CSMD2: variants seen among roughly 807,000 people sequenced by gnomAD.
The protein encoded by CSMD2 is CUB and sushi domain-containing protein 2.
A neutral mutation model predicts 398.5 loss-of-function variants in CSMD2; 130 were observed. That is an observed-to-expected ratio of 0.33 (90% CI 0.28 to 0.38). CSMD2 has a LOEUF of 0.38. Ranked by LOEUF, CSMD2 falls within the 10% of genes least tolerant of loss-of-function variation. The pLI, the probability that CSMD2 is intolerant of heterozygous loss-of-function variation, is 1.00. For synonymous variants in CSMD2, 1,828 were observed against 1,908.5 expected (o/e 0.96, Z 1.10); for missense variants, 3,829 against 4,764.9 (o/e 0.80, Z 5.78).
chr1:33,895,189 T>G (rs1028070681), intron 5 of CSMD2, among the ~76,000 whole-genome samples: 1 of 152,208 alleles, frequency 6.6e-6, no homozygotes, highest in Non-Finnish European at 1.5e-5. Context: ...TTATTCCTGA[T>G]AGCATTGTTT....
In CSMD2 at chr1:33,519,177, T is replaced by G. The variant is rs536850667; in HGVS notation, c.*53+288A>C. The stretch of plus-strand genomic sequence containing the variant: ...TGGGATTGGATTTCGACCCCACCCC[T>G]TCTGAGCTGTGTGACCTTGCTCAAG... On this transcript the variant is annotated intron_variant, in intron 70 of 70. Transcript: ENST00000373381. This position sits in a 1 kb window ranked among gnomAD's most constrained non-coding sequence, Gnocchi z 5.6. Among the ~76,000 whole-genome samples the G allele has an allele frequency of 6.6e-6, 1 of 152,298 alleles. No individual in the cohort carries two copies. The highest frequency in any genetic ancestry group is 6.5e-5 in the Admixed American group (1 of 15,302).
At chr1:33,904,974 C>G (rs1447029276) in intron 5 of CSMD2, among the ~76,000 whole-genome samples, 1 of 151,416 alleles carries the variant, frequency 6.6e-6, no homozygotes, top group Admixed American at 6.6e-5. Flanking sequence ...TATATTTTTC[C>G]GTTTTTTTTT....
At chr1:34,137,561 C>A (rs1470002805) in intron 1 of CSMD2, among the ~76,000 whole-genome samples, 1 of 152,176 alleles carries the variant, frequency 6.6e-6, no homozygotes, top group East Asian at 1.9e-4. Flanking sequence ...CCCTCCTTCA[C>A]CCTTCTGCCT....
intron 12 of CSMD2, among the ~76,000 whole-genome samples, chr1:33,777,796 T>C (rs1029019218): frequency 3.3e-5 from 5 of 152,212 alleles, no homozygotes; most frequent in African/African-American, 1.2e-4. Flanking sequence ...TCAGCTGTTT[T>C]ATCCCCATCA....
intron 9 of CSMD2, among the ~76,000 whole-genome samples, chr1:33,813,358 G>GGACA (rs1277229993): frequency 6.6e-6 from 1 of 152,114 alleles, no homozygotes; most frequent in African/African-American, 2.4e-5. Flanking sequence ...GGGGTTCTGT[G>GGACA]GACAGACAGA....
chr1:34,023,235 G>A (rs566602801), intron 3 of CSMD2, among the ~76,000 whole-genome samples: 2 of 152,322 alleles, frequency 1.3e-5, no homozygotes, highest in South Asian at 4.1e-4. Context: ...TGAATCTTTT[G>A]TTGGATAGTG....
intron 2 of CSMD2, among the ~76,000 whole-genome samples, chr1:34,082,531 TG>T (rs558482810): frequency 8.1e-5 from 11 of 136,300 alleles, no homozygotes; most frequent in Non-Finnish European, 1.6e-4. Flanking sequence ...GTCTGGGGGG[TG>T]GGGGGGCCCC....
At position 33,537,774 on chromosome 1, in the gene CSMD2, G is replaced by A. The variant is rs1655946739; in HGVS notation, c.9632-165C>T. Among the ~76,000 whole-genome samples the A allele has an allele frequency of 6.6e-6, 1 of 152,262 alleles. No homozygotes were observed. Among genetic ancestry groups the A allele is most frequent in the African/African-American group, 2.4e-5 (1 of 41,466 alleles). ...AGGTGCTTCCACCTGCTGCGGTGCT[G>A]CTGCTGATGGGGGCTTCCTCTCCCT... On this transcript the variant is annotated intron_variant, in intron 60 of 70. Transcript: ENST00000373381. The surrounding 1 kb of genome is among the most constrained non-coding windows in gnomAD (Gnocchi z 4.6).
chr1:33,772,472 T>C (rs887918237), intron 13 of CSMD2, 97 bp downstream of exon 13: 1 of 1,081,504 alleles, frequency 9.2e-7, no homozygotes. Context: ...TGTTACAACC[T>C]GCAAGGTTCC....
Position 33,633,438 on chromosome 1 carries a change from G to C in CSMD2, c.5184C>G (p.Leu1728=), listed in dbSNP as rs1217786182. Residue 1728 remains leucine, a synonymous_variant, in exon 32 of 71, where the codon CTC becomes CTG. Coordinates refer to ENST00000373381, the MANE Select transcript of CSMD2 (RefSeq NM_001281956.2). This position sits in a 1 kb window ranked among gnomAD's most constrained non-coding sequence, Gnocchi z 5.0. The part of the protein sequence containing the change: ...HSQHSRLLSS[L]SGSHTGESLP... The stretch of plus-strand genomic sequence containing the variant: ...CCCGGATACCTGTATGGGAGCCCGA[G>C]AGGGAGCTGAGGAGCCGCGAGTGCT... 2 of 1,552,592 alleles carry C rather than the reference G, an allele frequency of 1.3e-6. No homozygotes were observed. Among genetic ancestry groups the C allele is most frequent in the Non-Finnish European group, 1.7e-6 (2 of 1,147,602 alleles).
At chr1:33,801,396 C>CT (rs971673666) in intron 10 of CSMD2, among the ~76,000 whole-genome samples, 2 of 152,152 alleles carry the variant, frequency 1.3e-5, no homozygotes, top group African/African-American at 4.8e-5. Context: ...CTGTCTACAT[C>CT]TTTGTTTTTC....
At chr1:34,080,957 A>AGAAAGAAG (rs1657016371) in intron 2 of CSMD2, among the ~76,000 whole-genome samples, 1 of 136,414 alleles carries the variant, frequency 7.3e-6, no homozygotes, top group Non-Finnish European at 1.5e-5. Flanking sequence ...AAAGAAAGAA[A>AGAAAGAAG]GAAAGAAAGA....
At chr1:34,114,689 C>A (rs185875204) in intron 1 of CSMD2, among the ~76,000 whole-genome samples, 132 of 152,034 alleles carry the variant, frequency 8.7e-4, no homozygotes, top group African/African-American at 2.6e-3. Context: ...CAGGATGAGA[C>A]CCTGTCTCAA....
chr1:33,552,756 T>C (rs1305531390), intron 55 of CSMD2, among the ~76,000 whole-genome samples: 5 of 152,060 alleles, frequency 3.3e-5, no homozygotes, highest in African/African-American at 4.8e-5. Context: ...GAAAAGTACA[T>C]TAGAGGTTGC....
At chr1:33,622,333 C>T (rs1413187039) in intron 36 of CSMD2, 62 bp from the exon 37 acceptor site, 1 of 1,212,752 alleles carries the variant, frequency 8.2e-7, no homozygotes, top group African/African-American at 1.5e-5. Flanking sequence ...TTGCATTCCT[C>T]CCCATTCCTC....
At chr1:33,532,138 T>G (rs1045400976) in intron 64 of CSMD2, among the ~76,000 whole-genome samples, 1 of 152,214 alleles carries the variant, frequency 6.6e-6, no homozygotes, top group Non-Finnish European at 1.5e-5. Flanking sequence ...AGTGGCAGGA[T>G]AGCAAAATAG....
At chr1:34,018,310 C>T (rs992681997) in intron 3 of CSMD2, among the ~76,000 whole-genome samples, 4 of 152,226 alleles carry the variant, frequency 2.6e-5, no homozygotes, top group Non-Finnish European at 5.9e-5. Flanking sequence ...GACATTTTTA[C>T]AGTTTCCAAT....
chr1:33,664,836 AAAAT>A (rs1184289845), intron 25 of CSMD2, among the ~76,000 whole-genome samples: 2 of 151,994 alleles, frequency 1.3e-5, no homozygotes, highest in African/African-American at 4.8e-5. Context: ...AAAAGAAAAT[AAAAT>A]AAATAAAAAT....
intron 2 of CSMD2, among the ~76,000 whole-genome samples, chr1:34,072,814 G>A (rs556177115): frequency 4.5e-4 from 68 of 152,120 alleles, no homozygotes; most frequent in African/African-American, 1.4e-3. Flanking sequence ...CCCCCACCAC[G>A]TCTGCCCAGA....
Sources: gnomAD v4.1 joint callset for allele counts (sites outside exome capture counted in the v4.1 genomes callset) on GRCh38, gnomAD v4.1.1 for gene constraint, Gnocchi (gnomAD v3.1) non-coding constraint, MANE v1.5 for transcripts, NCBI Gene and HGNC (gene_info 2026-07-23, HGNC 2026-07-21) for gene names.